AMZ1: variants seen among roughly 807,000 people sequenced by gnomAD.
AMZ1 encodes the protein archaemetzincin-1.
Under a neutral mutation model 29.9 loss-of-function variants are expected in AMZ1, and 39 were observed. The ratio of observed to expected loss-of-function variants is 1.30; its 90% confidence interval spans 1.01 to 1.70. The LOEUF is 1.70. AMZ1 is among the 40% of genes most tolerant of loss of function. AMZ1 has a pLI of 0.00. For synonymous variants in AMZ1, 458 were observed against 304.0 expected (o/e 1.51, Z -5.27); for missense variants, 1,041 against 680.6 (o/e 1.53, Z -5.89).
chr7:2,751,742 T>TA (rs1583236182), intron 4 of AMZ1, among the ~76,000 whole-genome samples: 1 of 152,228 alleles, frequency 6.6e-6, no homozygotes, highest in African/African-American at 2.4e-5. Flanking sequence ...AACTTTATGC[T>TA]AACAGATTGG....
intron 3 of AMZ1, among the ~76,000 whole-genome samples, chr7:2,703,623 GA>G (rs760313324): frequency 7.9e-5 from 12 of 152,144 alleles, no homozygotes; most frequent in Non-Finnish European, 1.6e-4. Context: ...TGGTGGATAG[GA>G]AACCTAGACT....
In AMZ1 at chr7:2,714,266, G is replaced by A. The variant is rs1788991384; in HGVS notation, c.*1388G>A. ...GTGGGTGGGTGGCTCACACGGTTAT[G>A]GAGGGCTTCTAAGAAAAACAAAATA... On this transcript the variant is annotated 3_prime_UTR_variant, in exon 7 of 7. Coordinates refer to ENST00000683327, the MANE Select transcript of AMZ1 (RefSeq NM_001384743.1). 6.6e-6 allele frequency: 1 copy of A among 152,324 alleles called. No homozygotes were observed. The highest frequency in any genetic ancestry group is 2.4e-5 in the African/African-American group (1 of 41,424). The allele number at this position is 152,324 out of a possible 1,614,324, so 9.4% of individuals were successfully genotyped here.
At chr7:2,680,276 GC>G (rs1167431742) in intron 1 of AMZ1, among the ~76,000 whole-genome samples, 1 of 152,166 alleles carries the variant, frequency 6.6e-6, no homozygotes, top group African/African-American at 2.4e-5. Flanking sequence ...TGCTTCTGGA[GC>G]CCCCATTAAC....
At chr7:2,723,587 C>A (rs908775335), downstream of AMZ1, among the ~76,000 whole-genome samples, 16 of 152,186 alleles carry the variant, frequency 1.1e-4, no homozygotes, top group African/African-American at 3.6e-4. Flanking sequence ...GTGCCACAGT[C>A]TCGAGGGGTT....
chr7:2,702,849 G>T lies in AMZ1; in HGVS notation c.432G>T (p.Ser144=). 1 of 1,583,426 alleles carries T rather than the reference G, an allele frequency of 6.3e-7. No individual in the cohort carries two copies. The change falls in exon 3 of 7, where the codon TCG becomes TCT. Residue 144 remains serine, a synonymous_variant. Coordinates refer to ENST00000683327, the MANE Select transcript of AMZ1 (RefSeq NM_001384743.1). ...SVAAASIRCS[S]RPSRDSDRLQ... is the part of the protein sequence containing the mutation. ...CAGCCGCGTCCATCCGCTGCTCCTCGCGGCCCAGCCGGGACTCTGACAGGC... is the reference window on the plus strand; with the variant it reads ...CAGCCGCGTCCATCCGCTGCTCCTCTCGGCCCAGCCGGGACTCTGACAGGC...
intron 4 of AMZ1, among the ~76,000 whole-genome samples, chr7:2,755,537 G>A (rs1451244899): frequency 2.6e-5 from 4 of 152,238 alleles, no homozygotes; most frequent in African/African-American, 9.6e-5. Flanking sequence ...TTGTTTCCAT[G>A]TGTCTATTGG....
chr7:2,743,737 G>A (rs556114883), intron 4 of AMZ1, among the ~76,000 whole-genome samples: 51 of 152,308 alleles, frequency 3.3e-4, no homozygotes, highest in African/African-American at 1.0e-3. Context: ...TGCCTCACTC[G>A]GGAAGCGCAA....
chr7:2,708,223 G>A (rs559614970), intron 3 of AMZ1, among the ~76,000 whole-genome samples: 73 of 152,228 alleles, frequency 4.8e-4, no homozygotes, highest in African/African-American at 1.6e-3. Context: ...TTGGCTGTGG[G>A]GACTCACAGG....
In AMZ1 at chr7:2,712,859, G is replaced by C; in HGVS notation, c.1478G>C (p.Trp493Ser). ...AGAGCAGAGTCGGCCCCCCGTCCCT[G>C]GGATGGGGAAGAGAGTTAGTACAGC... ...LARAESAPRP[W>S]DGEES The change falls in exon 7 of 7, where the codon TGG (tryptophan) becomes TCG (serine). Residue 493 changes from tryptophan to serine, a missense_variant. Coordinates refer to ENST00000683327, the MANE Select transcript of AMZ1 (RefSeq NM_001384743.1). 2 of 1,523,710 alleles carry C rather than the reference G, an allele frequency of 1.3e-6. No homozygotes were observed. The highest frequency in any genetic ancestry group is 2.8e-5 in the African/African-American group (2 of 72,190). The allele number at this position is 1,523,710 out of a possible 1,614,324, so 94.4% of individuals were successfully genotyped here.
chr7:2,721,673 G>A (rs1398753732), downstream of AMZ1, among the ~76,000 whole-genome samples: 1 of 150,374 alleles, frequency 6.7e-6, no homozygotes, highest in African/African-American at 2.4e-5. Flanking sequence ...CCGAGATCGC[G>A]ACACTGCACT....
At chr7:2,739,361 T>C (rs1024812497) in intron 4 of AMZ1, among the ~76,000 whole-genome samples, 7 of 152,168 alleles carry the variant, frequency 4.6e-5, no homozygotes, top group East Asian at 1.9e-4. Flanking sequence ...GGATCTCTCA[T>C]TGGAGCGCAT....
intron 1 of AMZ1, among the ~76,000 whole-genome samples, chr7:2,689,192 G>C (rs1787234010): frequency 6.6e-6 from 1 of 152,232 alleles, no homozygotes; most frequent in South Asian, 2.1e-4. Context: ...GTTTTGCAAA[G>C]CGCATTCAGA....
At chr7:2,708,526 A>T (rs1788508259) in intron 3 of AMZ1, 62 bp from the exon 4 acceptor site, 2 of 1,601,374 alleles carry the variant, frequency 1.2e-6, no homozygotes. Context: ...TGCCAGCCTG[A>T]GCCTGGAAGA....
At chr7:2,689,390 G>A (rs1223870949) in intron 1 of AMZ1, among the ~76,000 whole-genome samples, 27 of 151,788 alleles carry the variant, frequency 1.8e-4, no homozygotes, top group Admixed American at 1.8e-3. Context: ...ATGCGGACGT[G>A]CTCTTTTCCA....
upstream of AMZ1, among the ~76,000 whole-genome samples, chr7:2,687,564 C>T (rs903425306): frequency 6.6e-6 from 1 of 152,240 alleles, no homozygotes; most frequent in African/African-American, 2.4e-5. Context: ...CATCCTTCCG[C>T]ACTTAGAGTC....
intron 4 of AMZ1, among the ~76,000 whole-genome samples, chr7:2,742,780 C>A (rs1420821251): frequency 6.6e-6 from 1 of 152,204 alleles, no homozygotes; most frequent in South Asian, 2.1e-4. Flanking sequence ...GGTATGTAAT[C>A]TTTTATGGTG....
At chr7:2,723,783 T>A (rs1456823012), downstream of AMZ1, among the ~76,000 whole-genome samples, 1 of 152,230 alleles carries the variant, frequency 6.6e-6, no homozygotes, top group Non-Finnish European at 1.5e-5. Flanking sequence ...CCTCTGCGCC[T>A]GGAGCTAGTA....
At position 2,700,628 on chromosome 7, in the gene AMZ1, C is replaced by T. The variant is rs755015835; in HGVS notation, c.177C>T (p.Leu59=). ...NPQRTLFCTL[L]IRTGFDWLLS... is the part of the protein sequence containing the mutation. ...AGAGGACGCTCTTCTGCACCCTGCT[C>T]ATCCGCACGGGCTTCGACTGGCTCC... The change falls in exon 2 of 7, where the codon CTC becomes CTT. Residue 59 remains leucine, a synonymous_variant. Coordinates refer to ENST00000683327, the MANE Select transcript of AMZ1 (RefSeq NM_001384743.1). 9 of 1,611,292 alleles carry T rather than the reference C, an allele frequency of 5.6e-6. No individual in the cohort carries two copies. The highest frequency in any genetic ancestry group is 2.7e-5 in the African/African-American group (2 of 74,936).
chr7:2,735,951 T>A (rs1200224521), intron 4 of AMZ1, among the ~76,000 whole-genome samples: 1 of 152,116 alleles, frequency 6.6e-6, no homozygotes, highest in African/African-American at 2.4e-5. Flanking sequence ...GTCACTCACA[T>A]CCGCACTCTT....
Sources: allele counts gnomAD v4.1 joint callset (sites outside exome capture counted in the v4.1 genomes callset), GRCh38; gene constraint gnomAD v4.1.1; transcripts MANE v1.5; gene names NCBI Gene and HGNC (gene_info 2026-07-23, HGNC 2026-07-21).